Variants in DLGAP2 observed in about 807,000 individuals in gnomAD.
DLGAP2 encodes DLG associated protein 2, also known as disks large-associated protein 2.
A neutral mutation model predicts 100.3 loss-of-function variants in DLGAP2; 26 were observed. That is an observed-to-expected ratio of 0.26 (90% CI 0.19 to 0.36). DLGAP2 has a LOEUF of 0.36. Among genes scored for constraint, DLGAP2 ranks in the 10% least tolerant of loss-of-function variants. The pLI, the probability that DLGAP2 is intolerant of heterozygous loss-of-function variation, is 1.00. For missense variants in DLGAP2, 1,858 were observed against 1,453.2 expected, an observed-to-expected ratio of 1.28 and a Z score of -4.53; for synonymous variants, 886 against 630.1, an observed-to-expected ratio of 1.41 and a Z score of -6.08.
At chr8:1,292,409 T>G (rs575392227) in intron 3 of DLGAP2, among the ~76,000 whole-genome samples, 7 of 152,236 alleles carry the variant, frequency 4.6e-5, no homozygotes, top group Admixed American at 3.3e-4. Context: ...CTGCCTCCAG[T>G]TGGAGGATGG....
Position 1,248,091 on chromosome 8 carries a change from C to T in DLGAP2, c.74-10760C>T. Among the ~76,000 whole-genome samples, 2 of 4,576 alleles carry T rather than the reference C, an allele frequency of 4.4e-4. 1 individual carries two copies. The highest frequency in any genetic ancestry group is 3.3e-3 in the East Asian group (2 of 604). 3.0% of individuals were successfully genotyped at this position (4,576 alleles called of 152,430 possible). ...GGTCCATGTCGGTGGCCGGGAAGAC[C>T]TTTGAGATCAGTGTGGGAGTCTGAT... On this transcript the variant is annotated intron_variant, in intron 2 of 14. Transcript: ENST00000637795.
At chr8:1,700,187 C>T (rs1032615432) in intron 14 of DLGAP2, among the ~76,000 whole-genome samples, 1 of 152,232 alleles carries the variant, frequency 6.6e-6, no homozygotes, top group African/African-American at 2.4e-5. Context: ...AATCTACAAG[C>T]ACCTCTGGGC....
chr8:938,518 C>T (rs770567755), intron 2 of DLGAP2, among the ~76,000 whole-genome samples: 1 of 152,030 alleles, frequency 6.6e-6, no homozygotes, highest in South Asian at 2.1e-4. Flanking sequence ...GTGGAGCACA[C>T]GGTGGGGGTA....
intron 2 of DLGAP2, among the ~76,000 whole-genome samples, chr8:1,204,579 G>A (rs1218179577): frequency 1.0e-5 from 1 of 97,956 alleles, no homozygotes; most frequent in East Asian, 3.7e-4. Flanking sequence ...CCTATGATGT[G>A]ATAGTTTGGG....
At chr8:1,692,497 G>T (rs1363495983) in intron 13 of DLGAP2, among the ~76,000 whole-genome samples, 1 of 152,190 alleles carries the variant, frequency 6.6e-6, no homozygotes, top group Non-Finnish European at 1.5e-5. Context: ...AGGCAGGGAG[G>T]CTGCAAGGGG....
intron 6 of DLGAP2, chr8:1,619,935 G>T (rs1035144988): frequency 1.6e-4 from 25 of 152,194 alleles, no homozygotes; most frequent in African/African-American, 6.0e-4. Context: ...GTTGGCCTCA[G>T]CATAGCGTTT....
intron 3 of DLGAP2, among the ~76,000 whole-genome samples, chr8:1,413,598 T>C (rs1029117260): frequency 6.6e-6 from 1 of 152,228 alleles, no homozygotes; most frequent in Non-Finnish European, 1.5e-5. Context: ...AAACATGAGA[T>C]GTTCGAAGGC....
At chr8:1,505,352 C>A (rs1181557792) in intron 4 of DLGAP2, among the ~76,000 whole-genome samples, 1 of 152,192 alleles carries the variant, frequency 6.6e-6, no homozygotes, top group Non-Finnish European at 1.5e-5. Context: ...AATGAAGTGA[C>A]ATTTGCTTCT....
chr8:1,675,191 G>A (rs1022962907), intron 10 of DLGAP2, among the ~76,000 whole-genome samples: 12 of 152,230 alleles, frequency 7.9e-5, no homozygotes, highest in African/African-American at 2.4e-4. Context: ...GTCTCTGTCC[G>A]TTCCCCTGGA....
rs1247811208 is a variant in DLGAP2 at position 1,240,674 on chromosome 8, T to G, written c.74-18177T>G. 9.5e-4 allele frequency among the ~76,000 whole-genome samples: 144 copies of G among 151,482 alleles called. 1 individual carries two copies. Among genetic ancestry groups the G allele is most frequent in the Non-Finnish European group, 1.7e-3 (118 of 67,840 alleles). ...ACACAGAGCATCGTGTCTGGTTCTC[T>G]CACATGGCGCCATGTCTGGTTCTCT... is the stretch of plus-strand genomic sequence containing the variant. On this transcript the variant is annotated intron_variant, in intron 2 of 14. Transcript: ENST00000637795.
intron 8 of DLGAP2, among the ~76,000 whole-genome samples, chr8:1,653,488 A>G (rs1275086383): frequency 3.3e-5 from 5 of 152,222 alleles, no homozygotes; most frequent in African/African-American, 1.2e-4. Context: ...GCTAGCTCAA[A>G]CTGATGCTTA....
At chr8:1,176,022 C>T (rs945082753) in intron 2 of DLGAP2, among the ~76,000 whole-genome samples, 1 of 152,172 alleles carries the variant, frequency 6.6e-6, no homozygotes, top group Non-Finnish European at 1.5e-5. Flanking sequence ...ACTGGTCCAT[C>T]TTCCCAGATG....
chr8:1,359,653 C>T (rs566249431), intron 3 of DLGAP2, among the ~76,000 whole-genome samples: 13 of 152,210 alleles, frequency 8.5e-5, no homozygotes, highest in East Asian at 3.9e-4. Context: ...GATGCGGTGG[C>T]GCTGGCAGAT....
intron 1 of DLGAP2, among the ~76,000 whole-genome samples, chr8:752,284 C>T (rs568657683): frequency 3.3e-5 from 5 of 152,318 alleles, no homozygotes; most frequent in South Asian, 2.1e-4. Flanking sequence ...CCCAGGCTGC[C>T]GGCTACCACC....
At chr8:983,750 C>G (rs1248361515) in intron 2 of DLGAP2, among the ~76,000 whole-genome samples, 2 of 152,180 alleles carry the variant, frequency 1.3e-5, no homozygotes, top group African/African-American at 4.8e-5. Context: ...TCAAGCAATC[C>G]TTTCACCGCA....
intron 2 of DLGAP2, among the ~76,000 whole-genome samples, chr8:909,611 C>T (rs1006875064): frequency 7.9e-5 from 12 of 152,122 alleles, no homozygotes; most frequent in Admixed American, 4.6e-4. Context: ...GGGGCCTCAA[C>T]GCAGAGGACA....
At chr8:1,690,995 C>T (rs112860448) in intron 12 of DLGAP2, among the ~76,000 whole-genome samples, 1,563 of 152,278 alleles carry the variant, frequency 0.01, 23 homozygotes, top group African/African-American at 0.036. Flanking sequence ...GCAGCCTCTT[C>T]CTACGTAACA....
intron 4 of DLGAP2, among the ~76,000 whole-genome samples, chr8:1,509,974 T>C (rs1171004242): frequency 1.3e-5 from 2 of 152,200 alleles, no homozygotes; most frequent in Non-Finnish European, 2.9e-5. Flanking sequence ...TCCAGACAGA[T>C]GTCCACGTTA....
At chr8:1,333,637 G>C (rs1801207775) in intron 3 of DLGAP2, among the ~76,000 whole-genome samples, 1 of 152,198 alleles carries the variant, frequency 6.6e-6, no homozygotes, top group South Asian at 2.1e-4. Context: ...CGTGAGAAAG[G>C]CACTCGGAGG....
Sources: gnomAD v4.1 joint callset for allele counts (sites outside exome capture counted in the v4.1 genomes callset) on GRCh38, gnomAD v4.1.1 for gene constraint, MANE v1.5 for transcripts, NCBI Gene and HGNC (gene_info 2026-07-23, HGNC 2026-07-21) for gene names.